The following ENTPD6 variants were observed in gnomAD, a reference collection of about 807,000 sequenced individuals.
ENTPD6 encodes ectonucleoside triphosphate diphosphohydrolase 6, also known as CD39 antigen-like 2.
ENTPD6 carries 46 observed loss-of-function variants against 61.5 expected under a neutral mutation model. That is an observed-to-expected ratio of 0.75 (90% CI 0.59 to 0.96). The LOEUF is 0.96. ENTPD6 is among the 40% of genes least tolerant of loss of function. The pLI is 0.00. For synonymous variants in ENTPD6, 252 were observed against 255.5 expected (o/e 0.99, Z 0.13); for missense variants, 612 against 629.0 (o/e 0.97, Z 0.29).
Position 25,196,272 on chromosome 20 carries a change from G to C in ENTPD6, c.-16+405G>C. 14 of 1,033,858 alleles carry C rather than the reference G, an allele frequency of 1.4e-5. 1 individual carries two copies. The South Asian group carries it at 6.5e-4, about 48-fold the overall frequency. The allele number at this position is 1,033,858 out of a possible 1,614,324, so 64.0% of individuals were successfully genotyped here. A position where few individuals can be genotyped will look rare whatever the true frequency, so the allele number is the denominator to read the frequency against. ...GGAAACAGGTAGGATCAGGCCGCTC[G>C]GACAGGACTGAGGGTGTAAGGACGA... On this transcript the variant is annotated intron_variant, in intron 1 of 14. Coordinates refer to ENST00000376652, the MANE Select transcript of ENTPD6 (RefSeq NM_001247.5).
chr20:25,211,051 T>TA (rs1392431741), intron 4 of ENTPD6, among the ~76,000 whole-genome samples: 1 of 152,266 alleles, frequency 6.6e-6, no homozygotes, highest in African/African-American at 2.4e-5. Context: ...TACTTCTATC[T>TA]AAAGTCCTTA....
chr20:25,202,078 G>T (rs1161719629), intron 1 of ENTPD6, among the ~76,000 whole-genome samples: 1 of 152,150 alleles, frequency 6.6e-6, no homozygotes, highest in Non-Finnish European at 1.5e-5. Context: ...CTAATGAACA[G>T]AAAATGTTAT....
intron 4 of ENTPD6, 71 bp from the exon 5 acceptor site, chr20:25,213,192 G>T (rs1465909910): frequency 3.2e-5 from 51 of 1,595,368 alleles, no homozygotes; most frequent in Non-Finnish European, 4.4e-5. Context: ...AACCCAAAAG[G>T]GTGGAAGCAG....
intron 4 of ENTPD6, 71 bp from the exon 5 acceptor site, chr20:25,213,192 G>A (rs1465909910): frequency 6.3e-6 from 10 of 1,595,488 alleles, no homozygotes; most frequent in Non-Finnish European, 8.6e-6. Flanking sequence ...AACCCAAAAG[G>A]GTGGAAGCAG....
rs547025778 is a variant in ENTPD6, at chr20:25,210,003, G to T, written c.453+78G>T. ...AGTTCTTTTCCTTTGAATGTGGTAG[G>T]CTGTCTTCACAAAGGAAGGGGGCTT... On this transcript the variant is annotated intron_variant, in intron 4 of 14. Transcript: ENST00000376652. 14 of 1,288,434 alleles carry T rather than the reference G, an allele frequency of 1.1e-5. No individual in the cohort carries two copies. The African/African-American group carries it at 1.3e-4, about 12-fold the overall frequency. 79.8% of individuals were successfully genotyped at this position (1,288,434 alleles called of 1,614,324 possible).
At chr20:25,196,072 G>C in intron 1 of ENTPD6, 1 of 966,918 alleles carries the variant, frequency 1.0e-6, no homozygotes, top group African/African-American at 1.7e-5. Flanking sequence ...GGCAAGTCCA[G>C]TGTTTTGGGC....
Position 25,201,127 on chromosome 20 carries a change from T to C in ENTPD6, c.-16+5260T>C, listed in dbSNP as rs974667009. 2.2e-4 allele frequency among the ~76,000 whole-genome samples: 33 copies of C among 152,374 alleles called. 1 individual carries two copies. The highest frequency in any genetic ancestry group is 1.8e-4 in the Non-Finnish European group (12 of 68,040). On this transcript the variant is annotated intron_variant, in intron 1 of 14. Transcript: ENST00000376652. ...CACATAATTGTGAATTATCCAGTTTTCCTTCTGCTGTTGATTTCTGGTGTC... is the reference window on the plus strand; with the variant it reads ...CACATAATTGTGAATTATCCAGTTTCCCTTCTGCTGTTGATTTCTGGTGTC...
chr20:25,223,258 G>A (rs1233288410), intron 12 of ENTPD6, among the ~76,000 whole-genome samples: 6 of 152,178 alleles, frequency 3.9e-5, no homozygotes, highest in Admixed American at 6.5e-5. Flanking sequence ...CGTTGTCTCA[G>A]ACTCAGCCAC....
chr20:25,205,516 G>T (rs548577079), intron 1 of ENTPD6, among the ~76,000 whole-genome samples: 1 of 86,072 alleles, frequency 1.2e-5, no homozygotes, highest in Admixed American at 1.2e-4. Context: ...GGGCCAGCAG[G>T]GACAGGGGCC....
chr20:25,207,239 G>C lies in ENTPD6; in HGVS notation c.218G>C (p.Ser73Thr). The C allele has an allele frequency of 6.2e-7, 1 of 1,614,114 alleles. No individual in the cohort carries two copies. The highest frequency in any genetic ancestry group is 8.5e-7 in the Non-Finnish European group (1 of 1,180,018). The change falls in exon 3 of 15, where the codon AGC becomes ACC. Residue 73 changes from serine (S) to threonine (T), a missense_variant. Coordinates refer to ENST00000376652, the MANE Select transcript of ENTPD6 (RefSeq NM_001247.5). ...GCCACCGCCACCCAGGCCTTCTTCA[G>C]CATCACCAGGGCAGCCCCGGGGGCC... ...HRATATQAFF[S>T]ITRAAPGARW... is the part of the protein sequence containing the mutation.
At chr20:25,204,246 T>C (rs1400001028) in intron 1 of ENTPD6, among the ~76,000 whole-genome samples, 2 of 152,220 alleles carry the variant, frequency 1.3e-5, no homozygotes, top group African/African-American at 2.4e-5. Flanking sequence ...ATCTCCCCTT[T>C]ATGCCTTGGT....
intron 13 of ENTPD6, 51 bp from the exon 14 acceptor site, chr20:25,225,154 G>A (rs1198555978): frequency 1.6e-5 from 25 of 1,570,446 alleles, no homozygotes; most frequent in African/African-American, 9.5e-5. Context: ...TTGCCCCTCC[G>A]CCCCCAGGTG....
chr20:25,227,361 C>CA lies in ENTPD6; in HGVS notation c.*1765dup, dbSNP rs1203452851. 6.6e-6 allele frequency among the ~76,000 whole-genome samples: 1 copy of CA among 152,206 alleles called. No individual in the cohort carries two copies. Among genetic ancestry groups the CA allele is most frequent in the Non-Finnish European group, 1.5e-5 (1 of 68,042 alleles). On this transcript the variant is annotated 3_prime_UTR_variant, in exon 15 of 15. Transcript: ENST00000376652. Reference sequence around the variant, plus strand: ...TTAAAGAACTCCGGAGGCTGAGAATCAGACGCATGAAGGTAAAGCCAAAAT... The same window carrying CA: ...TTAAAGAACTCCGGAGGCTGAGAATCAAGACGCATGAAGGTAAAGCCAAAAT...
intron 1 of ENTPD6, 101 bp from the exon 2 acceptor site, chr20:25,206,421 T>C: frequency 1.1e-6 from 1 of 878,612 alleles, no homozygotes; most frequent in Non-Finnish European, 1.9e-6. Context: ...ATTTTGGGTA[T>C]ATCGAACCAA....
At chr20:25,218,447 C>A in intron 9 of ENTPD6, 103 bp from the exon 10 acceptor site, 1 of 1,059,968 alleles carries the variant, frequency 9.4e-7, no homozygotes, top group Non-Finnish European at 1.4e-6. Context: ...AACTGCCTTG[C>A]TGCAAGCTCC....
At position 25,223,496 on chromosome 20, in the gene ENTPD6, TG is replaced by T. The variant is rs2092704834; in HGVS notation, c.1186+519del. Among the ~76,000 whole-genome samples the T allele has an allele frequency of 2.6e-5, 4 of 152,156 alleles. No individual in the cohort carries two copies. The South Asian group carries it at 8.3e-4, about 31-fold the overall frequency. On this transcript the variant is annotated intron_variant, in intron 12 of 14. Coordinates refer to ENST00000376652, the MANE Select transcript of ENTPD6 (RefSeq NM_001247.5). ...GGGGGTTGCAGAGTCACTATCATGG[TG>T]AGATCATCAGAATGTATGGCCTGTG... is the stretch of plus-strand genomic sequence containing the variant.
chr20:25,222,946 A>G lies in ENTPD6; in HGVS notation c.1154A>G (p.Tyr385Cys). ...KHVDFYAFSY[Y>C]YDLAAGVGLI... ...GTGGACTTCTATGCTTTCTCCTACT[A>G]TTACGACCTTGCAGCTGGTGTGGGC... Residue 385 changes from tyrosine to cysteine, a missense_variant, in exon 12 of 15, where the codon TAT becomes TGT. Physicochemically the swap from Tyr to Cys is radical, Grantham distance 194 (BLOSUM62 -2). Transcript: ENST00000376652. 1 of 1,581,892 alleles carries G rather than the reference A, an allele frequency of 6.3e-7. No homozygotes were observed. The highest frequency in any genetic ancestry group is 8.6e-7 in the Non-Finnish European group (1 of 1,160,410).
intron 1 of ENTPD6, among the ~76,000 whole-genome samples, chr20:25,205,018 C>G (rs2122640733): frequency 6.6e-6 from 1 of 152,246 alleles, no homozygotes; most frequent in Non-Finnish European, 1.5e-5. Context: ...TGTGTCCTCT[C>G]CCTGTTTATG....
rs1313377009 is a variant in ENTPD6 at position 25,228,036 on chromosome 20, G to A, written c.*2439G>A. Among the ~76,000 whole-genome samples, 1 of 151,924 alleles carries A rather than the reference G, an allele frequency of 6.6e-6. No individual in the cohort carries two copies. The highest frequency in any genetic ancestry group is 1.5e-5 in the Non-Finnish European group (1 of 68,012). ...GATTGTCATCATTTTTTTGTTAATT[G>A]TAGATCTTTATTTATTAAGGAAATT... On this transcript the variant is annotated 3_prime_UTR_variant, in exon 15 of 15. Transcript: ENST00000376652.
Sources: gnomAD v4.1 joint callset for allele counts (sites outside exome capture counted in the v4.1 genomes callset) on GRCh38, gnomAD v4.1.1 for gene constraint, MANE v1.5 for transcripts, NCBI Gene and HGNC (gene_info 2026-07-23, HGNC 2026-07-21) for gene names.